Variants in FBN2 observed in about 807,000 individuals in gnomAD.
FBN2 encodes the protein fibrillin 2.
Under a neutral mutation model 355.6 loss-of-function variants are expected in FBN2, and 105 were observed. The observed-to-expected ratio is 0.30, with a 90% confidence interval of 0.25 to 0.35. The LOEUF is 0.35. Ranked by LOEUF, FBN2 falls within the 10% of genes least tolerant of loss-of-function variation. The pLI, the probability that FBN2 is intolerant of heterozygous loss-of-function variation, is 1.00. For synonymous variants in FBN2, 1,350 were observed against 1,301.2 expected (o/e 1.04, Z -0.81); for missense variants, 3,280 against 3,758.7 (o/e 0.87, Z 3.33).
At chr5:128,359,814 G>T (rs372376435) in intron 19 of FBN2, among the ~76,000 whole-genome samples, 1 of 152,128 alleles carries the variant, frequency 6.6e-6, no homozygotes, top group East Asian at 1.9e-4. Context: ...AACTGTTCAT[G>T]TAAGCAGGTG....
intron 55 of FBN2, among the ~76,000 whole-genome samples, chr5:128,281,523 G>A (rs982084145): frequency 6.6e-6 from 1 of 152,140 alleles, no homozygotes; most frequent in Non-Finnish European, 1.5e-5. Flanking sequence ...CTGCCATGTT[G>A]ATGTTATCTA....
At position 128,376,769 on chromosome 5, in the gene FBN2, G is replaced by A; in HGVS notation, c.1934C>T (p.Pro645Leu). 6 of 1,613,728 alleles carry A rather than the reference G, an allele frequency of 3.7e-6. No homozygotes were observed. Among genetic ancestry groups the A allele is most frequent in the Non-Finnish European group, 5.1e-6 (6 of 1,179,744 alleles). Residue 645 changes from proline (P) to leucine (L), a missense_variant, in exon 14 of 65, where the codon CCA becomes CTA. Physicochemically the swap from Pro to Leu is moderately conservative, Grantham distance 98 (BLOSUM62 -3). Around this residue, in one of 6 missense-constraint regions of FBN2, gnomAD observed 2,284 missense variants for 2,749.5 expected, o/e 0.83. Coordinates refer to ENST00000262464, the MANE Select transcript of FBN2 (RefSeq NM_001999.4). ...EDGSFKCICK[P>L]GFVLAPNGRY... ...CCCATTTGGAGCCAAGACAAATCCT[G>A]GTTTGCAGATGCACTTGAAGCTGCC...
intron 8 of FBN2, among the ~76,000 whole-genome samples, chr5:128,396,837 C>G (rs6881855): frequency 0.28 from 42,351 of 152,048 alleles, 7,476 homozygotes; most frequent in African/African-American, 0.49. Flanking sequence ...GAAAGATGTA[C>G]CACAGCAATC....
intron 30 of FBN2, 119 bp downstream of exon 30, chr5:128,335,051 A>G: frequency 6.9e-6 from 10 of 1,458,420 alleles, no homozygotes; most frequent in Admixed American, 3.6e-5. Context: ...GTTCTAGTAA[A>G]ATGATTTGAA....
intron 8 of FBN2, among the ~76,000 whole-genome samples, chr5:128,398,581 G>C (rs528505734): frequency 6.6e-6 from 1 of 152,124 alleles, no homozygotes; most frequent in East Asian, 1.9e-4. Context: ...TGAGTTGGCA[G>C]ATATATATGA....
intron 5 of FBN2, among the ~76,000 whole-genome samples, chr5:128,517,435 C>T (rs898579703): frequency 1.3e-5 from 2 of 152,102 alleles, no homozygotes. Context: ...AATAATTTAT[C>T]TTTTTATGCT....
intron 10 of FBN2, among the ~76,000 whole-genome samples, chr5:128,392,664 G>A (rs1027100480): frequency 1.3e-5 from 2 of 152,170 alleles, no homozygotes; most frequent in East Asian, 1.9e-4. Context: ...AGATATGTAC[G>A]TTACAATATT....
At chr5:128,314,349 C>A (rs890047722) in intron 36 of FBN2, among the ~76,000 whole-genome samples, 1 of 152,022 alleles carries the variant, frequency 6.6e-6, no homozygotes, top group Non-Finnish European at 1.5e-5. Context: ...TTTTTGGGGA[C>A]GGAGTCTTCC....
At chr5:128,431,689 T>A (rs532071940) in intron 7 of FBN2, among the ~76,000 whole-genome samples, 1 of 152,304 alleles carries the variant, frequency 6.6e-6, no homozygotes, top group South Asian at 2.1e-4. Context: ...TCTGAATCAT[T>A]ACCATCACTA....
intron 31 of FBN2, among the ~76,000 whole-genome samples, chr5:128,333,566 CTATT>C (rs958820281): frequency 6.6e-5 from 10 of 151,586 alleles, no homozygotes; most frequent in South Asian, 6.3e-4. Context: ...TTAAAAAAAA[CTATT>C]CATTTAGGTG....
intron 59 of FBN2, 64 bp from the exon 60 acceptor site, chr5:128,274,747 G>GGCTTCACAAGA: frequency 3.0e-6 from 3 of 997,688 alleles, no homozygotes; most frequent in Non-Finnish European, 4.9e-6. Flanking sequence ...CCTTTCTTGT[G>GGCTTCACAAGA]AAGCCACAGG....
intron 62 of FBN2, among the ~76,000 whole-genome samples, chr5:128,270,815 A>G (rs529520383): frequency 6.6e-6 from 1 of 152,210 alleles, no homozygotes; most frequent in South Asian, 2.1e-4. Flanking sequence ...TTATGAATCA[A>G]TAAATCTGGG....
At chr5:128,359,697 G>T (rs2126934490) in intron 19 of FBN2, among the ~76,000 whole-genome samples, 1 of 152,144 alleles carries the variant, frequency 6.6e-6, no homozygotes, top group Non-Finnish European at 1.5e-5. Flanking sequence ...AATAAGTGAA[G>T]ATCACTGTTT....
chr5:128,521,580 C>T (rs187526012), intron 4 of FBN2, among the ~76,000 whole-genome samples: 51 of 152,224 alleles, frequency 3.4e-4, no homozygotes, highest in African/African-American at 9.1e-4. Context: ...AAAAGATGCA[C>T]TGCAAAATAC....
chr5:128,330,181 A>AT (rs1477049606), intron 33 of FBN2, among the ~76,000 whole-genome samples: 2 of 152,240 alleles, frequency 1.3e-5, no homozygotes, highest in Non-Finnish European at 1.5e-5. Flanking sequence ...TTACTATTGC[A>AT]TTTTAAATCA....
chr5:128,480,492 G>A (rs77391436), intron 5 of FBN2, among the ~76,000 whole-genome samples: 2 of 152,296 alleles, frequency 1.3e-5, no homozygotes, highest in South Asian at 2.1e-4. Flanking sequence ...TGATGTAGAT[G>A]TGTGAATATC....
At chr5:128,348,067 G>C (rs780053839) in intron 23 of FBN2, among the ~76,000 whole-genome samples, 1 of 152,124 alleles carries the variant, frequency 6.6e-6, no homozygotes, top group Non-Finnish European at 1.5e-5. Context: ...GATTACAGGC[G>C]TAAGCCACCA....
Position 128,483,233 on chromosome 5 carries a change from C to T in FBN2, c.629-18312G>A, listed in dbSNP as rs372819499. 2.6e-5 allele frequency among the ~76,000 whole-genome samples: 4 copies of T among 152,126 alleles called. No individual in the cohort carries two copies. The South Asian group carries it at 8.3e-4, about 32-fold the overall frequency. On this transcript the variant is annotated intron_variant, in intron 5 of 64. Transcript: ENST00000262464. Reference sequence around the variant, plus strand: ...ACGCTCAGTACCTGGATGACAGGATCAATCATATCCCAAACCTCAGCATCT... The same window carrying T: ...ACGCTCAGTACCTGGATGACAGGATTAATCATATCCCAAACCTCAGCATCT...
rs1755706601 is a variant in FBN2 at position 128,498,117 on chromosome 5, C to T, written c.628+21156G>A. ...GAATGCAGAGGGCAGAGCACATTTG[C>T]TTCCTTTGGGGACTCCAGAAAGAGA... On this transcript the variant is annotated intron_variant, in intron 5 of 64. Coordinates refer to ENST00000262464, the MANE Select transcript of FBN2 (RefSeq NM_001999.4). Among the ~76,000 whole-genome samples, 3 of 152,164 alleles carry T rather than the reference C, an allele frequency of 2.0e-5. No homozygotes were observed. In the South Asian group the frequency reaches 6.2e-4, roughly 32 times the overall value.
Sources: gnomAD v4.1 joint callset for allele counts (sites outside exome capture counted in the v4.1 genomes callset) on GRCh38, gnomAD v4.1.1 for gene constraint, gnomAD v4.1.1 regional missense constraint, MANE v1.5 for transcripts, NCBI Gene and HGNC (gene_info 2026-07-23, HGNC 2026-07-21) for gene names.